TVP23C: variants seen among roughly 807,000 people sequenced by gnomAD.
TVP23C encodes the protein Golgi apparatus membrane protein TVP23 homolog C.
A neutral mutation model predicts 28.7 loss-of-function variants in TVP23C; 19 were observed. The observed-to-expected ratio is 0.66, with a 90% CI of 0.46 to 0.97. The LOEUF is 0.97. Ranked by LOEUF, TVP23C falls within the 50% of genes least tolerant of loss-of-function variation. The pLI, the probability that TVP23C is intolerant of heterozygous loss-of-function variation, is 0.00. For synonymous variants in TVP23C, 68 were observed against 81.7 expected, an observed-to-expected ratio of 0.83 and a Z score of 0.90; for missense variants, 186 against 241.3, an observed-to-expected ratio of 0.77 and a Z score of 1.52.
At chr17:15,550,939 C>T (rs907852500) in intron 3 of TVP23C, among the ~76,000 whole-genome samples, 12 of 152,104 alleles carry the variant, frequency 7.9e-5, no homozygotes, top group African/African-American at 2.7e-4. Flanking sequence ...AATTACATTT[C>T]CTATTATAAT....
Position 15,555,280 on chromosome 17 carries a change from A to C in TVP23C, c.95+2T>G. ...CACAGCTCATGCAACTTCTCCTCCTACCTGATTTTGGCTTTTCTTGGTCTA... is the reference window on the plus strand; with the variant it reads ...CACAGCTCATGCAACTTCTCCTCCTCCCTGATTTTGGCTTTTCTTGGTCTA... On this transcript the variant is annotated splice_donor_variant, in intron 2 of 5. Coordinates refer to ENST00000518321, the MANE Select transcript of TVP23C (RefSeq NM_001135036.2). LOFTEE classifies it high-confidence loss of function. 6.2e-7 allele frequency: 1 copy of C among 1,613,924 alleles called. No individual in the cohort carries two copies. The highest frequency in any genetic ancestry group is 8.5e-7 in the Non-Finnish European group (1 of 1,179,850).
At chr17:15,549,547 T>C (rs1180764845) in intron 3 of TVP23C, among the ~76,000 whole-genome samples, 1 of 151,920 alleles carries the variant, frequency 6.6e-6, no homozygotes, top group African/African-American at 2.4e-5. Context: ...GGGATGGTGG[T>C]GCATGCCTGT....
At chr17:15,557,296 T>G (rs906303789) in intron 1 of TVP23C, among the ~76,000 whole-genome samples, 6 of 146,268 alleles carry the variant, frequency 4.1e-5, no homozygotes, top group African/African-American at 7.4e-5. Context: ...CAAGGTTTTT[T>G]TTTTTTTTTT....
intron 3 of TVP23C, among the ~76,000 whole-genome samples, chr17:15,552,437 T>C (rs1447188136): frequency 6.6e-6 from 1 of 152,142 alleles, no homozygotes; most frequent in Non-Finnish European, 1.5e-5. Context: ...ATCCCAGCAC[T>C]TTGGGAGGCT....
At chr17:15,551,511 C>T (rs973451461) in intron 3 of TVP23C, among the ~76,000 whole-genome samples, 1 of 152,006 alleles carries the variant, frequency 6.6e-6, no homozygotes, top group Non-Finnish European at 1.5e-5. Flanking sequence ...TTTAAGCATA[C>T]CTTTAAATTA....
chr17:15,526,448 A>G (rs1982731880), intron 5 of TVP23C, among the ~76,000 whole-genome samples: 1 of 152,222 alleles, frequency 6.6e-6, no homozygotes, highest in Non-Finnish European at 1.5e-5. Context: ...AGCCAGACAC[A>G]TAGCACTCAT....
Position 15,561,184 on chromosome 17 carries a change from C to T in TVP23C, c.12+2253G>A, listed in dbSNP as rs189366112. Reference sequence around the variant, plus strand: ...AGCTGAGAGAGGATAAGAGAAGAAACGTTGAAGATTTGAGTTTTAATAGTT... The same window carrying T: ...AGCTGAGAGAGGATAAGAGAAGAAATGTTGAAGATTTGAGTTTTAATAGTT... On this transcript the variant is annotated intron_variant, in intron 1 of 5. Coordinates refer to ENST00000518321, the MANE Select transcript of TVP23C (RefSeq NM_001135036.2). Among the ~76,000 whole-genome samples, 4 of 152,206 alleles carry T rather than the reference C, an allele frequency of 2.6e-5. No homozygotes were observed. The East Asian group carries it at 7.7e-4, about 29-fold the overall frequency.
At chr17:15,502,715 C>G (rs1981504151) in exon 6 of TVP23C, 25 of 1,203,186 alleles carry the variant, frequency 2.1e-5, no homozygotes, top group South Asian at 5.8e-5. Context: ...TTCTTTCTCT[C>G]TCTCCTCTCT....
At chr17:15,532,288 T>C (rs547052309), downstream of TVP23C, among the ~76,000 whole-genome samples, 16 of 152,318 alleles carry the variant, frequency 1.1e-4, no homozygotes, top group South Asian at 2.9e-3. Context: ...AGTTTCCTCA[T>C]TGAGTGACCT....
chr17:15,543,790 A>G (rs941279405), intron 5 of TVP23C, among the ~76,000 whole-genome samples: 8 of 151,938 alleles, frequency 5.3e-5, no homozygotes, highest in African/African-American at 1.7e-4. Flanking sequence ...CAGCTCTGAC[A>G]TAAGAGTGAA....
chr17:15,524,273 T>A (rs1216583964), intron 5 of TVP23C, among the ~76,000 whole-genome samples: 10 of 152,156 alleles, frequency 6.6e-5, no homozygotes, highest in Admixed American at 6.5e-4. Context: ...TTATAATTCA[T>A]TGAGAGTACC....
chr17:15,540,284 C>A lies in TVP23C; in HGVS notation c.*128G>T. The A allele has an allele frequency of 1.5e-6, 2 of 1,367,262 alleles. No homozygotes were observed. Among genetic ancestry groups the A allele is most frequent in the African/African-American group, 1.5e-5 (1 of 66,862 alleles). 84.7% of individuals were successfully genotyped at this position (1,367,262 alleles called of 1,614,324 possible). A position where few individuals can be genotyped will look rare whatever the true frequency, so the allele number is the denominator to read the frequency against. ...ATACACTTCCAGACTGTCTTGAACACCCCCAAAGAGCAATTACAACATCTT... is the reference window on the plus strand; with the variant it reads ...ATACACTTCCAGACTGTCTTGAACAACCCCAAAGAGCAATTACAACATCTT... On this transcript the variant is annotated 3_prime_UTR_variant, in exon 6 of 6. Coordinates refer to ENST00000518321, the MANE Select transcript of TVP23C (RefSeq NM_001135036.2).
downstream of TVP23C, among the ~76,000 whole-genome samples, chr17:15,533,161 G>A (rs71367509): frequency 0.091 from 13,828 of 152,144 alleles, 860 homozygotes; most frequent in South Asian, 0.21. Context: ...TATAACTTAC[G>A]TGAGGCATAT....
intron 5 of TVP23C, among the ~76,000 whole-genome samples, chr17:15,507,674 TAAAAATACAA>T (rs879544802): frequency 2.3e-4 from 35 of 152,110 alleles, no homozygotes; most frequent in Admixed American, 1.9e-3. Context: ...CCATCTCTAC[TAAAAATACAA>T]AAAAATTAGC....
chr17:15,555,031 T>C (rs1488115196), intron 2 of TVP23C, among the ~76,000 whole-genome samples: 34 of 152,176 alleles, frequency 2.2e-4, no homozygotes, highest in Admixed American at 2.0e-3. Context: ...TCTTGGAAAA[T>C]AGCACAGAAT....
intron 1 of TVP23C, among the ~76,000 whole-genome samples, chr17:15,561,602 A>AAATGAATG (rs201163005): frequency 0.011 from 1,414 of 126,882 alleles, 13 homozygotes; most frequent in African/African-American, 0.036. Context: ...TCCGTCTCAT[A>AAATGAATG]AATGAATGAA....
In TVP23C at chr17:15,538,545, G is replaced by A. The variant is rs560473596; in HGVS notation, c.*1867C>T. 1.1e-5 allele frequency: 10 copies of A among 916,616 alleles called. No individual in the cohort carries two copies. In the East Asian group the frequency reaches 3.5e-4, roughly 33 times the overall value. 56.8% of individuals were successfully genotyped at this position (916,616 alleles called of 1,614,324 possible). On this transcript the variant is annotated 3_prime_UTR_variant, in exon 6 of 6. Coordinates refer to ENST00000518321, the MANE Select transcript of TVP23C (RefSeq NM_001135036.2). The stretch of plus-strand genomic sequence containing the variant: ...GTGGAGTTTGCAGTGAGCCGAGATC[G>A]CGCCACTGCACTCCAGCCTGGGCAA...
chr17:15,506,904 C>T (rs1597501294), intron 5 of TVP23C: 11 of 953,514 alleles, frequency 1.2e-5, no homozygotes, highest in East Asian at 6.4e-5. Context: ...TCGCCATCAA[C>T]GGGGAGCCCT....
intron 1 of TVP23C, among the ~76,000 whole-genome samples, chr17:15,560,526 T>C (rs758134882): frequency 6.7e-6 from 1 of 149,160 alleles, no homozygotes; most frequent in African/African-American, 2.4e-5. Flanking sequence ...AAGAATGGAG[T>C]GACCAGTGAA....
Sources: gnomAD v4.1 joint callset for allele counts (sites outside exome capture counted in the v4.1 genomes callset) on GRCh38, gnomAD v4.1.1 for gene constraint, MANE v1.5 for transcripts, NCBI Gene and HGNC (gene_info 2026-07-23, HGNC 2026-07-21) for gene names.